ELK3: variants seen among roughly 807,000 people sequenced by gnomAD.
The protein encoded by ELK3 is ETS transcription factor ELK3, also known as ETS domain-containing protein Elk-3.
ELK3 carries 10 observed loss-of-function variants against 28.9 expected under a neutral mutation model. That is an observed-to-expected ratio of 0.35 (90% CI 0.21 to 0.59). The LOEUF (loss-of-function observed/expected upper bound fraction) is 0.59, where lower values mean the gene tolerates loss of function less well. ELK3 is among the 20% of genes least tolerant of loss of function. ELK3 has a pLI of 0.82. For missense variants in ELK3, 463 were observed against 517.3 expected, an observed-to-expected ratio of 0.90 and a Z score of 1.02; for synonymous variants, 272 against 243.5, an observed-to-expected ratio of 1.12 and a Z score of -1.09.
intron 1 of ELK3, among the ~76,000 whole-genome samples, chr12:96,204,730 C>T (rs1484114305): frequency 6.6e-6 from 1 of 152,138 alleles, no homozygotes; most frequent in African/African-American, 2.4e-5. Flanking sequence ...GTTAATGATC[C>T]TGAGGCTCAG....
rs76363875 is a variant in ELK3 at position 96,238,064 on chromosome 12, G to A, written c.208-8876G>A. ...ACATCTGTGAAGTGGGTATCAAAGCGTTGTGAGGCTAACATGAGATTTTGT... is the reference window on the plus strand; with the variant it reads ...ACATCTGTGAAGTGGGTATCAAAGCATTGTGAGGCTAACATGAGATTTTGT... On this transcript the variant is annotated intron_variant, in intron 2 of 4. Transcript: ENST00000228741. 7.5e-3 allele frequency among the ~76,000 whole-genome samples: 1,149 copies of A among 152,316 alleles called. 8 individuals are homozygous for A. Among genetic ancestry groups the A allele is most frequent in the African/African-American group, 0.026 (1,090 of 41,540 alleles).
chr12:96,234,636 T>TAA (rs1951767860), intron 2 of ELK3, among the ~76,000 whole-genome samples: 1 of 152,240 alleles, frequency 6.6e-6, no homozygotes, highest in Admixed American at 6.5e-5. Context: ...CATTTTGTTT[T>TAA]AAGCCAGGCA....
chr12:96,209,661 G>C (rs889630264), intron 1 of ELK3, among the ~76,000 whole-genome samples: 6 of 152,076 alleles, frequency 3.9e-5, no homozygotes, highest in Admixed American at 6.6e-5. Context: ...TTCTTACATT[G>C]ACAACCATAG....
intron 3 of ELK3, among the ~76,000 whole-genome samples, chr12:96,257,489 T>C (rs548695531): frequency 4.6e-5 from 7 of 152,298 alleles, no homozygotes; most frequent in African/African-American, 7.2e-5. Context: ...ACCAGAGAAA[T>C]AGAAATTCTA....
At chr12:96,261,006 G>T (rs888248678) in intron 4 of ELK3, among the ~76,000 whole-genome samples, 7 of 152,226 alleles carry the variant, frequency 4.6e-5, no homozygotes, top group Admixed American at 2.0e-4. Context: ...GTGAGGCTCA[G>T]TAATAATTGA....
At chr12:96,253,634 G>A (rs1300620375) in intron 3 of ELK3, among the ~76,000 whole-genome samples, 2 of 152,214 alleles carry the variant, frequency 1.3e-5, no homozygotes, top group African/African-American at 4.8e-5. Context: ...GTTGGCATCT[G>A]TGGGAGCTTA....
At chr12:96,248,127 A>G (rs536451247) in intron 3 of ELK3, among the ~76,000 whole-genome samples, 1 of 152,304 alleles carries the variant, frequency 6.6e-6, no homozygotes, top group South Asian at 2.1e-4. Context: ...GGGGCGCTTA[A>G]TAAGGAGCCA....
chr12:96,247,229 T>C lies in ELK3; in HGVS notation c.497T>C (p.Leu166Pro). ...TTCAAGGCCATCAAGACGGAGAAGCTGGAGGAGCCGCCCGAAGACAGCCCC... is the reference window on the plus strand; with the variant it reads ...TTCAAGGCCATCAAGACGGAGAAGCCGGAGGAGCCGCCCGAAGACAGCCCC... Reference protein sequence around the residue: ...DAFKAIKTEKLEEPPEDSPPV... With the variant: ...DAFKAIKTEKPEEPPEDSPPV... Residue 166 changes from leucine to proline, a missense_variant, in exon 3 of 5, where the codon CTG (leucine) becomes CCG (proline). Transcript: ENST00000228741. The surrounding 1 kb of genome is among the most constrained non-coding windows in gnomAD (Gnocchi z 5.5). 6.2e-7 allele frequency: 1 copy of C among 1,614,230 alleles called. No homozygotes were observed. The highest frequency in any genetic ancestry group is 8.5e-7 in the Non-Finnish European group (1 of 1,180,036).
intron 1 of ELK3, among the ~76,000 whole-genome samples, chr12:96,212,001 G>A (rs566651728): frequency 6.6e-6 from 1 of 152,248 alleles, no homozygotes; most frequent in South Asian, 2.1e-4. Flanking sequence ...AATTACTTTG[G>A]GGAGGAACAA....
chr12:96,223,804 TG>T, intron 2 of ELK3, 31 bp downstream of exon 2: 1 of 1,607,734 alleles, frequency 6.2e-7, no homozygotes, highest in Non-Finnish European at 8.5e-7. Flanking sequence ...GGGGCCGTCT[TG>T]GGGAGGGTGG....
chr12:96,269,027 C>G lies in ELK3; in HGVS notation c.*1847C>G, dbSNP rs1177816926. 6.9e-6 allele frequency: 1 copy of G among 143,994 alleles called. No homozygotes were observed. The highest frequency in any genetic ancestry group is 2.6e-5 in the African/African-American group (1 of 38,622). The allele number at this position is 143,994 out of a possible 1,614,324, so 8.9% of individuals were successfully genotyped here. A position where few individuals can be genotyped will look rare whatever the true frequency, so the allele number is the denominator to read the frequency against. ...ATTTACTGAACATACAAAGTTAGTG[C>G]TAGAAGGGGCCTTTGAGAATGCTTC... On this transcript the variant is annotated 3_prime_UTR_variant, in exon 5 of 5. Transcript: ENST00000228741.
At chr12:96,240,709 A>G (rs1214727459) in intron 2 of ELK3, among the ~76,000 whole-genome samples, 3 of 152,126 alleles carry the variant, frequency 2.0e-5, no homozygotes, top group African/African-American at 7.2e-5. Flanking sequence ...TTTGAGAACG[A>G]GGTAGGAGAG....
chr12:96,265,893 CAAT>C (rs1194275079), intron 4 of ELK3, among the ~76,000 whole-genome samples: 3 of 152,030 alleles, frequency 2.0e-5, no homozygotes, highest in Non-Finnish European at 4.4e-5. Context: ...TTGAATATGC[CAAT>C]AATCATTAAA....
At chr12:96,235,162 C>T (rs1951772369) in intron 2 of ELK3, among the ~76,000 whole-genome samples, 4 of 151,972 alleles carry the variant, frequency 2.6e-5, no homozygotes. Context: ...ACTCCCTTCA[C>T]CATCTCACCC....
chr12:96,225,806 A>G (rs1041041617), intron 2 of ELK3, among the ~76,000 whole-genome samples: 11 of 152,200 alleles, frequency 7.2e-5, no homozygotes, highest in Admixed American at 3.3e-4. Flanking sequence ...CAGGCTGTCC[A>G]AAGGGTATTA....
chr12:96,266,248 T>C (rs991602415), intron 4 of ELK3, among the ~76,000 whole-genome samples: 2 of 152,212 alleles, frequency 1.3e-5, no homozygotes, highest in Non-Finnish European at 2.9e-5. Context: ...TAATTTGATA[T>C]TTGGCGCTGA....
chr12:96,251,898 G>A (rs998117462), intron 3 of ELK3, among the ~76,000 whole-genome samples: 4 of 152,252 alleles, frequency 2.6e-5, no homozygotes, highest in African/African-American at 9.6e-5. Context: ...GCAGTAAGCT[G>A]TCCAGAAGAT....
chr12:96,203,534 A>G (rs1186803709), intron 1 of ELK3, among the ~76,000 whole-genome samples: 1 of 152,206 alleles, frequency 6.6e-6, no homozygotes, highest in Non-Finnish European at 1.5e-5. Context: ...TTGTCAATAT[A>G]GCCCCACCTT....
At chr12:96,197,243 C>T (rs1034242060) in intron 1 of ELK3, among the ~76,000 whole-genome samples, 1 of 152,066 alleles carries the variant, frequency 6.6e-6, no homozygotes, top group African/African-American at 2.4e-5. Flanking sequence ...GTAATTTTAC[C>T]TCCCAGGAGA....
Sources: gnomAD v4.1 joint callset for allele counts (sites outside exome capture counted in the v4.1 genomes callset) on GRCh38, gnomAD v4.1.1 for gene constraint, Gnocchi (gnomAD v3.1) non-coding constraint, MANE v1.5 for transcripts, NCBI Gene and HGNC (gene_info 2026-07-23, HGNC 2026-07-21) for gene names.